CBLB: variants seen among roughly 807,000 people sequenced by gnomAD.
CBLB encodes the protein Cbl proto-oncogene B.
A neutral mutation model predicts 104.9 loss-of-function variants in CBLB; 31 were observed. The ratio of observed to expected loss-of-function variants is 0.30; its 90% CI spans 0.22 to 0.40. The LOEUF (loss-of-function observed/expected upper bound fraction) is 0.40. CBLB is among the 10% of genes least tolerant of loss of function. CBLB has a pLI of 1.00. For missense variants in CBLB, 1,062 were observed against 1,214.6 expected, an observed-to-expected ratio of 0.87 and a Z score of 1.87; for synonymous variants, 440 against 422.6, an observed-to-expected ratio of 1.04 and a Z score of -0.51.
In CBLB at chr3:105,848,110, A is replaced by G. The variant is rs1302292994; in HGVS notation, c.419+5304T>C. Among the ~76,000 whole-genome samples the G allele has an allele frequency of 2.0e-5, 3 of 152,200 alleles. No homozygotes were observed. In the East Asian group the frequency reaches 5.8e-4, roughly 29 times the overall value. Reference sequence around the variant, plus strand: ...TCAGCTCAGAATGGTTTAGACACCCAGCTGGAGTAGCACCAACTCAGTGTG... The same window carrying G: ...TCAGCTCAGAATGGTTTAGACACCCGGCTGGAGTAGCACCAACTCAGTGTG... On this transcript the variant is annotated intron_variant, in intron 3 of 18. Coordinates refer to ENST00000394030, the MANE Select transcript of CBLB (RefSeq NM_170662.5).
chr3:105,695,261 T>C (rs536246521), intron 12 of CBLB, among the ~76,000 whole-genome samples: 3 of 151,808 alleles, frequency 2.0e-5, no homozygotes, highest in Admixed American at 6.6e-5. Context: ...AAGACAGATA[T>C]GGGAATAATA....
rs144004948 is a variant in CBLB, at chr3:105,768,686, C to T, written c.566+7710G>A. ...GAAAGTCATTGAAGACTCTTGCAAT[C>T]AAGCAAGAAAGACCTACATAGTAAA... is the stretch of plus-strand genomic sequence containing the variant. On this transcript the variant is annotated intron_variant, in intron 4 of 18. Coordinates refer to ENST00000394030, the MANE Select transcript of CBLB (RefSeq NM_170662.5). 3.1e-3 allele frequency among the ~76,000 whole-genome samples: 473 copies of T among 152,264 alleles called. 6 individuals carry two copies. Among genetic ancestry groups the T allele is most frequent in the Middle Eastern group, 0.024 (7 of 294 alleles).
At chr3:105,749,486 C>T (rs1443098) in intron 5 of CBLB, 151,401 of 152,852 alleles carry the variant, frequency 0.99, 74,999 homozygotes, top group East Asian at 1. Flanking sequence ...TGTCCACATA[C>T]TAAATAGCAG....
rs1355526076 is a variant in CBLB, at chr3:105,853,428, T to C, written c.405A>G (p.Glu135=). ...ATTCTTCTTACCTGTCCTGTGACTGTTCTTCATACATTCTCTCCTTGCCTT... is the reference window on the plus strand; with the variant it reads ...ATTCTTCTTACCTGTCCTGTGACTGCTCTTCATACATTCTCTCCTTGCCTT... ...FKEGKERMYE[E]QSQDRRNLTK... Residue 135 remains glutamate (E), a synonymous_variant, in exon 3 of 19, where the codon GAA becomes GAG. Transcript: ENST00000394030. The C allele has an allele frequency of 6.2e-7, 1 of 1,613,652 alleles. No homozygotes were observed. Among genetic ancestry groups the C allele is most frequent in the Non-Finnish European group, 8.5e-7 (1 of 1,179,792 alleles).
chr3:105,665,450 C>G (rs1009103993), intron 18 of CBLB, among the ~76,000 whole-genome samples: 8 of 139,606 alleles, frequency 5.7e-5, no homozygotes, highest in African/African-American at 2.2e-4. Flanking sequence ...TATACACACA[C>G]ACACACATAT....
rs749959501 is a variant in CBLB at position 105,702,368 on chromosome 3, G to A, written c.1685C>T (p.Pro562Leu). 10 of 1,601,730 alleles carry A rather than the reference G, an allele frequency of 6.2e-6. No homozygotes were observed. In the East Asian group the frequency reaches 2.2e-4, roughly 36 times the overall value. ...RDPPPPPPER[P>L]PPIPPDNRLS... Reference sequence around the variant, plus strand: ...TCTATTGTCTGGTGGGATTGGTGGAGGTCTTTCAGGTGGCGGTGGAGGAGG... The same window carrying A: ...TCTATTGTCTGGTGGGATTGGTGGAAGTCTTTCAGGTGGCGGTGGAGGAGG... Residue 562 changes from proline (P) to leucine (L), a missense_variant, in exon 12 of 19, where the codon CCT becomes CTT. By Grantham distance (98) the Pro-to-Leu change is moderately conservative. Coordinates refer to ENST00000394030, the MANE Select transcript of CBLB (RefSeq NM_170662.5).
rs1460825063 is a variant in CBLB, at chr3:105,866,028, C to A, written c.168+1382G>T. 2.0e-5 allele frequency among the ~76,000 whole-genome samples: 3 copies of A among 152,130 alleles called. No homozygotes were observed. The East Asian group carries it at 5.8e-4, about 29-fold the overall frequency. On this transcript the variant is annotated intron_variant, in intron 2 of 18. Coordinates refer to ENST00000394030, the MANE Select transcript of CBLB (RefSeq NM_170662.5). The stretch of plus-strand genomic sequence containing the variant: ...ATCCAATGCTAAAATCAAAACTGAA[C>A]CCCAAGCAGCAAGTTGCAATATTCT...
At chr3:105,774,613 T>C (rs1479809372) in intron 4 of CBLB, among the ~76,000 whole-genome samples, 1 of 152,136 alleles carries the variant, frequency 6.6e-6, no homozygotes, top group Admixed American at 6.5e-5. Context: ...TCATTTGATG[T>C]AGTAGTGATT....
intron 3 of CBLB, among the ~76,000 whole-genome samples, chr3:105,800,713 T>C (rs912954748): frequency 1.3e-5 from 2 of 152,110 alleles, no homozygotes; most frequent in Non-Finnish European, 2.9e-5. Context: ...CTAAGCAATA[T>C]TCCAAGGACA....
chr3:105,740,466 C>G (rs754875366), intron 7 of CBLB, 28 bp downstream of exon 7: 1 of 1,612,416 alleles, frequency 6.2e-7, no homozygotes, highest in Admixed American at 1.7e-5. Flanking sequence ...GAATCATAAG[C>G]ACTCCAACTT....
intron 3 of CBLB, among the ~76,000 whole-genome samples, chr3:105,778,389 A>G (rs1342038930): frequency 6.6e-6 from 1 of 152,204 alleles, no homozygotes; most frequent in East Asian, 1.9e-4. Context: ...GCACCTGACA[A>G]TAAAATCATT....
chr3:105,840,591 T>C (rs1278559806), intron 3 of CBLB, among the ~76,000 whole-genome samples: 1 of 152,164 alleles, frequency 6.6e-6, no homozygotes. Context: ...TGCCAACTGG[T>C]AACGAAACTT....
At chr3:105,841,029 C>A (rs1310144844) in intron 3 of CBLB, among the ~76,000 whole-genome samples, 2 of 152,258 alleles carry the variant, frequency 1.3e-5, no homozygotes, top group East Asian at 1.9e-4. Flanking sequence ...CACAGTGGCT[C>A]ATGCCTGTAA....
rs1560552611 is a variant in CBLB at position 105,856,521 on chromosome 3, T to G, written c.169-2857A>C. 2.6e-5 allele frequency among the ~76,000 whole-genome samples: 4 copies of G among 152,146 alleles called. No homozygotes were observed. The South Asian group carries it at 8.3e-4, about 32-fold the overall frequency. On this transcript the variant is annotated intron_variant, in intron 2 of 18. Coordinates refer to ENST00000394030, the MANE Select transcript of CBLB (RefSeq NM_170662.5). ...GGGCATGATCTTATATTCTTCCTCT[T>G]TGTAAACAATGCCTTAAAGCAGAAT...
chr3:105,824,664 A>C lies in CBLB; in HGVS notation c.419+28750T>G, dbSNP rs190987661. The stretch of plus-strand genomic sequence containing the variant: ...CTAAATTATAGTAATAACATCTTAA[A>C]ATACGATTTTTATGCCAACTGTGGG... On this transcript the variant is annotated intron_variant, in intron 3 of 18. Transcript: ENST00000394030. 5.9e-5 allele frequency among the ~76,000 whole-genome samples: 9 copies of C among 152,176 alleles called. No homozygotes were observed. In the East Asian group the frequency reaches 1.5e-3, roughly 26 times the overall value.
intron 9 of CBLB, among the ~76,000 whole-genome samples, chr3:105,722,198 C>CAAAAAAAAAAAAAAAAAA (rs5851468): frequency 1.1e-4 from 9 of 84,392 alleles, no homozygotes; most frequent in African/African-American, 1.9e-4. Flanking sequence ...GACCCCGTGC[C>CAAAAAAAAAAAAAAAAAA]AAAAAAAAAA....
chr3:105,782,891 A>G (rs965973117), intron 3 of CBLB, among the ~76,000 whole-genome samples: 1 of 152,090 alleles, frequency 6.6e-6, no homozygotes, highest in Non-Finnish European at 1.5e-5. Context: ...TCTTTCCAAC[A>G]TGTTATCTAC....
Position 105,702,251 on chromosome 3 carries a change from G to C in CBLB, c.1802C>G (p.Thr601Ser), listed in dbSNP as rs773276515. 3.8e-5 allele frequency: 61 copies of C among 1,613,888 alleles called. 1 individual carries two copies. In the Middle Eastern group the frequency reaches 6.6e-4, roughly 17 times the overall value. Residue 601 changes from threonine (T) to serine (S), a missense_variant, in exon 12 of 19, where the codon ACT becomes AGT. Physicochemically the swap from Thr to Ser is moderately conservative, Grantham distance 58. Transcript: ENST00000394030. ...EAWCPRDVFG[T>S]NQLVGCRLLG... ...GAGTCGACATCCCACAAGCTGATTA[G>C]TCCCAAACACATCCCGAGGGCACCA...
chr3:105,759,096 C>T (rs1437679080), intron 4 of CBLB, among the ~76,000 whole-genome samples: 1 of 152,176 alleles, frequency 6.6e-6, no homozygotes, highest in Admixed American at 6.5e-5. Context: ...CAGAAAGGAG[C>T]TTTACTGAGC....
Sources: gnomAD v4.1 joint callset for allele counts (sites outside exome capture counted in the v4.1 genomes callset) on GRCh38, gnomAD v4.1.1 for gene constraint, MANE v1.5 for transcripts, NCBI Gene and HGNC (gene_info 2026-07-23, HGNC 2026-07-21) for gene names.